TENT4A: variants seen among roughly 807,000 people sequenced by gnomAD.
TENT4A encodes terminal nucleotidyltransferase 4A.
TENT4A carries 7 observed loss-of-function variants against 72.8 expected under a neutral mutation model. That is an observed-to-expected ratio of 0.10 (90% CI 0.05 to 0.18). The LOEUF is 0.18. Among genes scored for constraint, TENT4A ranks in the 10% least tolerant of loss-of-function variants. TENT4A has a pLI of 1.00. For missense variants in TENT4A, 831 were observed against 1,017.7 expected, an observed-to-expected ratio of 0.82 and a Z score of 2.50; for synonymous variants, 456 against 434.3, an observed-to-expected ratio of 1.05 and a Z score of -0.62.
intron 11 of TENT4A, 122 bp downstream of exon 11, chr5:6,751,319 C>A: frequency 2.0e-6 from 2 of 989,504 alleles, no homozygotes; most frequent in Non-Finnish European, 3.1e-6. Flanking sequence ...GAGTATTTGG[C>A]CATTGGTGTG....
At chr5:6,721,158 T>G (rs1195440114) in intron 1 of TENT4A, among the ~76,000 whole-genome samples, 3 of 152,154 alleles carry the variant, frequency 2.0e-5, no homozygotes, top group Non-Finnish European at 4.4e-5. Flanking sequence ...GCCCGCATTC[T>G]TAGTGCCAAG....
At chr5:6,718,724 A>G (rs1042270235) in intron 1 of TENT4A, among the ~76,000 whole-genome samples, 8 of 152,164 alleles carry the variant, frequency 5.3e-5, no homozygotes, top group Non-Finnish European at 7.3e-5. Flanking sequence ...CTTTTGTTCC[A>G]TGGCCAAGCT....
chr5:6,755,002 G>T lies in TENT4A; in HGVS notation c.*57G>T. On this transcript the variant is annotated 3_prime_UTR_variant, in exon 13 of 13. Transcript: ENST00000230859. ...CTCTGCAGACTGCCCCGCGGCCTCG[G>T]CCACCGGCAGGGGAACCGAGACCAG... 6.9e-7 allele frequency: 1 copy of T among 1,442,066 alleles called. No homozygotes were observed. The highest frequency in any genetic ancestry group is 1.5e-5 in the South Asian group (1 of 67,480). 89.3% of individuals were successfully genotyped at this position (1,442,066 alleles called of 1,614,324 possible). A position where few individuals can be genotyped will look rare whatever the true frequency, so the allele number is the denominator to read the frequency against.
chr5:6,748,875 A>G (rs1180531215), intron 8 of TENT4A, among the ~76,000 whole-genome samples: 1 of 152,102 alleles, frequency 6.6e-6, no homozygotes, highest in Non-Finnish European at 1.5e-5. Flanking sequence ...AGTCCCTACC[A>G]TCTTCTCTTA....
intron 1 of TENT4A, 49 bp downstream of exon 1, chr5:6,714,748 G>A: frequency 8.2e-6 from 9 of 1,103,782 alleles, no homozygotes; most frequent in Non-Finnish European, 1.0e-5. Context: ...CCATGGTCCT[G>A]GCCGGCGCCC....
At chr5:6,748,730 G>A in intron 8 of TENT4A, 140 bp downstream of exon 8, 1 of 878,254 alleles carries the variant, frequency 1.1e-6, no homozygotes. Flanking sequence ...GTTGGTGAAG[G>A]AAGGCCTTCT....
Position 6,714,361 on chromosome 5 carries a change from C to T in TENT4A, c.378C>T (p.Pro126=), listed in dbSNP as rs1172289104. The change falls in exon 1 of 13, where the codon CCC becomes CCT. Residue 126 remains proline (P), a synonymous_variant. Coordinates refer to ENST00000230859, the MANE Select transcript of TENT4A (RefSeq NM_006999.6). The part of the protein sequence containing the change: ...SSNAESGTES[P]GCSSSSSSSA... ...ACGCGGAGTCGGGCACCGAGAGCCC[C>T]GGCTGCTCGTCGTCGTCCTCCAGCA... 3.5e-5 allele frequency: 40 copies of T among 1,138,992 alleles called. No homozygotes were observed. Among genetic ancestry groups the T allele is most frequent in the Non-Finnish European group, 4.3e-5 (40 of 929,234 alleles). 70.6% of individuals were successfully genotyped at this position (1,138,992 alleles called of 1,614,324 possible).
rs528198286 is a variant in TENT4A at position 6,747,518 on chromosome 5, C to G, written c.1460-946C>G. Among the ~76,000 whole-genome samples the G allele has an allele frequency of 5.9e-5, 9 of 152,262 alleles. No homozygotes were observed. In the South Asian group the frequency reaches 1.9e-3, roughly 32 times the overall value. ...CCTAAAGATCGTCTCAAGGAAAACA[C>G]ATTGGCTGATGTGTTTTGTTGTTGT... is the stretch of plus-strand genomic sequence containing the variant. On this transcript the variant is annotated intron_variant, in intron 7 of 12. Transcript: ENST00000230859.
chr5:6,749,767 T>C, intron 9 of TENT4A, 110 bp downstream of exon 9: 1 of 722,118 alleles, frequency 1.4e-6, no homozygotes, highest in Admixed American at 2.1e-5. Flanking sequence ...ATAGCTAGTT[T>C]TTCTGATGAG....
At chr5:6,715,042 C>T (rs558562683) in intron 1 of TENT4A, 128 of 167,294 alleles carry the variant, frequency 7.7e-4, no homozygotes, top group South Asian at 3.6e-3. Context: ...CAAAGTGGGG[C>T]GTAGATAAGT....
chr5:6,726,442 C>T (rs763922729), intron 1 of TENT4A, among the ~76,000 whole-genome samples: 12 of 152,174 alleles, frequency 7.9e-5, no homozygotes, highest in Non-Finnish European at 1.3e-4. Context: ...ACGCCCCCTG[C>T]GTTGCCTCTG....
intron 4 of TENT4A, among the ~76,000 whole-genome samples, chr5:6,741,284 C>T (rs1270421697): frequency 6.6e-6 from 1 of 152,166 alleles, no homozygotes; most frequent in African/African-American, 2.4e-5. Context: ...GTCATGGGCA[C>T]AAGAGACCCA....
intron 1 of TENT4A, among the ~76,000 whole-genome samples, chr5:6,718,270 C>A (rs1346785306): frequency 6.6e-6 from 1 of 152,210 alleles, no homozygotes; most frequent in Non-Finnish European, 1.5e-5. Context: ...ATGTTTTTCT[C>A]AATTCTTTCT....
chr5:6,717,884 G>C (rs1408298640), intron 1 of TENT4A, among the ~76,000 whole-genome samples: 2 of 152,234 alleles, frequency 1.3e-5, no homozygotes, highest in East Asian at 3.9e-4. Context: ...CAGGTTAAGA[G>C]TCTTGCATAA....
rs746499111 is a variant in TENT4A, at chr5:6,751,029, C to T, written c.1861-10C>T. 1.2e-5 allele frequency: 19 copies of T among 1,612,692 alleles called. No individual in the cohort carries two copies. The highest frequency in any genetic ancestry group is 8.0e-5 in the African/African-American group (6 of 74,782). On this transcript the variant is annotated splice_polypyrimidine_tract_variant and intron_variant, in intron 10 of 12. Coordinates refer to ENST00000230859, the MANE Select transcript of TENT4A (RefSeq NM_006999.6). ...CAGCTGTCCTTTTTGTTTTTTGTACCGGGTTCAAGGATTCAGACACACCGC... is the reference window on the plus strand; with the variant it reads ...CAGCTGTCCTTTTTGTTTTTTGTACTGGGTTCAAGGATTCAGACACACCGC...
rs374682397 is a variant in TENT4A, at chr5:6,737,909, GTTTTTTTT to G, written c.840+287_840+294del. Among the ~76,000 whole-genome samples the G allele has an allele frequency of 2.3e-3, 291 of 129,084 alleles. 1 individual carries two copies. Among genetic ancestry groups the G allele is most frequent in the African/African-American group, 6.9e-3 (241 of 34,898 alleles). 84.7% of individuals were successfully genotyped at this position (129,084 alleles called of 152,430 possible). A position where few individuals can be genotyped will look rare whatever the true frequency, so the allele number is the denominator to read the frequency against. On this transcript the variant is annotated intron_variant, in intron 2 of 12. Transcript: ENST00000230859. ...GACCATCGGCTGAGGGATTTGTTGG[GTTTTTTTT>G]TTTTTTTTTTGGAAGGGGGAGAATG...
chr5:6,754,254 C>T (rs1219729434), intron 12 of TENT4A, among the ~76,000 whole-genome samples: 5 of 152,146 alleles, frequency 3.3e-5, no homozygotes, highest in South Asian at 2.1e-4. Flanking sequence ...CTGCAACCTC[C>T]GCCTCCCGGG....
chr5:6,741,206 G>C (rs947351164), intron 4 of TENT4A, among the ~76,000 whole-genome samples: 43 of 152,236 alleles, frequency 2.8e-4, no homozygotes, highest in African/African-American at 8.7e-4. Flanking sequence ...CTGAGGGCCA[G>C]TGTAGACTGT....
chr5:6,720,675 AAAATAAATAAAT>A (rs141500932), intron 1 of TENT4A, among the ~76,000 whole-genome samples: 3,342 of 140,180 alleles, frequency 0.024, 34 homozygotes, highest in Non-Finnish European at 0.031. Context: ...ACTCTGTCTC[AAAATAAATAAAT>A]AAATAAATAA....
Sources: allele counts gnomAD v4.1 joint callset (sites outside exome capture counted in the v4.1 genomes callset), GRCh38; gene constraint gnomAD v4.1.1; transcripts MANE v1.5; gene names NCBI Gene and HGNC (gene_info 2026-07-23, HGNC 2026-07-21).